The following HTR2C variants were observed in gnomAD, a reference collection of about 807,000 sequenced individuals.
HTR2C encodes 5-hydroxytryptamine receptor 2C, also known as 5-hydroxytryptamine (serotonin) receptor 2C, G protein-coupled.
In HTR2C, 5 loss-of-function variants were observed where a neutral mutation model predicts 21.0. That is an observed-to-expected ratio of 0.24 (90% CI 0.12 to 0.50). HTR2C has a LOEUF of 0.50. Among genes scored for constraint, HTR2C ranks in the 20% least tolerant of loss-of-function variants. The pLI is 0.98. For missense variants in HTR2C, 271 were observed against 371.2 expected (o/e 0.73, Z 2.22); for synonymous variants, 150 against 145.3 (o/e 1.03, Z -0.23).
intron 4 of HTR2C, among the ~76,000 whole-genome samples, chrX:114,836,750 CAT>C (rs1168483464): frequency 8.9e-6 from 1 of 112,123 alleles, no homozygotes; most frequent in Non-Finnish European, 1.9e-5. Flanking sequence ...CTTTTTAAAA[CAT>C]GTCATTTTAT....
intron 2 of HTR2C, chrX:114,651,612 A>G (rs1556408498): frequency 8.0e-6 from 1 of 125,271 alleles, no homozygotes; most frequent in Admixed American, 9.6e-5. Context: ...CAGTGTGAAC[A>G]TAATAGAGAT....
intron 4 of HTR2C, among the ~76,000 whole-genome samples, chrX:114,752,655 T>C (rs1028711038): frequency 3.3e-4 from 37 of 110,971 alleles, no homozygotes; most frequent in Admixed American, 3.3e-3. Context: ...ATTATAATGT[T>C]GCATTTAGTT....
At chrX:114,777,137 A>ATCTAT (rs1202065133) in intron 4 of HTR2C, among the ~76,000 whole-genome samples, 1 of 112,000 alleles carries the variant, frequency 8.9e-6, no homozygotes, top group African/African-American at 3.2e-5. Context: ...TAAAAAGTTG[A>ATCTAT]TCTATTTCCA....
intron 2 of HTR2C, among the ~76,000 whole-genome samples, chrX:114,628,134 A>T (rs868946785): frequency 4.8e-4 from 54 of 112,351 alleles, no homozygotes; most frequent in African/African-American, 1.6e-3. Flanking sequence ...GGAAATATTT[A>T]AGTAATGTGA....
At chrX:114,718,798 T>A (rs1468783917) in intron 2 of HTR2C, among the ~76,000 whole-genome samples, 1 of 108,363 alleles carries the variant, frequency 9.2e-6, no homozygotes, top group Non-Finnish European at 1.9e-5. Context: ...AGCTAATTGG[T>A]TTTAAGTTAA....
chrX:114,763,739 A>G lies in HTR2C; in HGVS notation c.349+32132A>G, dbSNP rs1457184486. ...TATCTGGTCTTTTTCTTTTTAATGG[A>G]TAGATGAAGGCCTCCTTCCTCTTTG... On this transcript the variant is annotated intron_variant, in intron 4 of 5. Coordinates refer to ENST00000276198, the MANE Select transcript of HTR2C (RefSeq NM_000868.4). Among the ~76,000 whole-genome samples, 9 of 109,512 alleles carry G rather than the reference A, an allele frequency of 8.2e-5. No individual in the cohort carries two copies. In the East Asian group the frequency reaches 2.6e-3, roughly 32 times the overall value.
chrX:114,730,911 C>G lies in HTR2C; in HGVS notation c.36-383C>G, dbSNP rs180846958. ...GTGGGACCTGAGTATGGACCCTGGC[C>G]CCGCCACTTACTGGCTGTTTAGGCT... On this transcript the variant is annotated intron_variant, in intron 3 of 5. Coordinates refer to ENST00000276198, the MANE Select transcript of HTR2C (RefSeq NM_000868.4). 4.5e-5 allele frequency among the ~76,000 whole-genome samples: 5 copies of G among 111,363 alleles called. No individual in the cohort carries two copies. The Admixed American group carries it at 4.8e-4, about 11-fold the overall frequency.
intron 2 of HTR2C, among the ~76,000 whole-genome samples, chrX:114,662,992 A>G (rs868916404): frequency 9.0e-6 from 1 of 111,510 alleles, no homozygotes; most frequent in African/African-American, 3.3e-5. Flanking sequence ...AAATAGGTGT[A>G]TTTAGGTGTA....
At chrX:114,782,571 A>T (rs1429976948) in intron 4 of HTR2C, among the ~76,000 whole-genome samples, 1 of 110,532 alleles carries the variant, frequency 9.0e-6, no homozygotes, top group Non-Finnish European at 1.9e-5. Context: ...TTAAAAGATT[A>T]GCTGGGCATG....
At chrX:114,889,059 G>A (rs2071241017) in intron 5 of HTR2C, among the ~76,000 whole-genome samples, 1 of 111,280 alleles carries the variant, frequency 9.0e-6, no homozygotes, top group Non-Finnish European at 1.9e-5. Context: ...ATTGCAACTT[G>A]GACAATTTAA....
intron 1 of HTR2C, among the ~76,000 whole-genome samples, chrX:114,589,446 G>A (rs1556390551): frequency 9.0e-6 from 1 of 111,226 alleles, no homozygotes; most frequent in East Asian, 2.8e-4. Flanking sequence ...TGGACCCACA[G>A]GTTTCTACTA....
At chrX:114,740,620 G>C (rs183173503) in intron 4 of HTR2C, among the ~76,000 whole-genome samples, 143 of 111,108 alleles carry the variant, frequency 1.3e-3, no homozygotes, top group African/African-American at 4.5e-3. Flanking sequence ...CACAAAATGG[G>C]ATTTATTTTT....
At chrX:114,685,298 A>G (rs782145556) in intron 2 of HTR2C, among the ~76,000 whole-genome samples, 2 of 111,901 alleles carry the variant, frequency 1.8e-5, no homozygotes, top group Non-Finnish European at 3.8e-5. Flanking sequence ...TTCCACAAGA[A>G]CAATGCTTAA....
At chrX:114,823,477 T>C (rs2070653299) in intron 4 of HTR2C, 1 of 349,102 alleles carries the variant, frequency 2.9e-6, no homozygotes, top group Non-Finnish European at 5.8e-6. Context: ...ACATCCTGCA[T>C]AGTGCTGCCA....
At chrX:114,671,333 A>C (rs1399290552) in intron 2 of HTR2C, among the ~76,000 whole-genome samples, 1 of 112,374 alleles carries the variant, frequency 8.9e-6, no homozygotes, top group Non-Finnish European at 1.9e-5. Flanking sequence ...AATTAAATAG[A>C]AATATAGTTA....
chrX:114,762,550 G>T (rs183975313), intron 4 of HTR2C, among the ~76,000 whole-genome samples: 185 of 111,653 alleles, frequency 1.7e-3, no homozygotes, highest in Non-Finnish European at 1.7e-3. Context: ...CAATTTTCTT[G>T]TGTGTATAAA....
chrX:114,592,608 A>C, intron 1 of HTR2C, among the ~76,000 whole-genome samples: 1 of 112,017 alleles, frequency 8.9e-6, no homozygotes, highest in Admixed American at 9.5e-5. Flanking sequence ...TGTCCTTCCT[A>C]CCTTGGATTC....
At chrX:114,626,478 C>T (rs782032913) in intron 2 of HTR2C, among the ~76,000 whole-genome samples, 1 of 111,589 alleles carries the variant, frequency 9.0e-6, no homozygotes, top group South Asian at 3.7e-4. Flanking sequence ...AATTATTATA[C>T]CTGTAACAAA....
At chrX:114,897,123 T>TA (rs1354830314) in intron 5 of HTR2C, among the ~76,000 whole-genome samples, 9 of 112,011 alleles carry the variant, frequency 8.0e-5, no homozygotes, top group Non-Finnish European at 1.5e-4. Context: ...TTTAGACATG[T>TA]AAGAAACTTA....
Sources: gnomAD v4.1 joint callset for allele counts (sites outside exome capture counted in the v4.1 genomes callset) on GRCh38, gnomAD v4.1.1 for gene constraint, MANE v1.5 for transcripts, NCBI Gene and HGNC (gene_info 2026-07-23, HGNC 2026-07-21) for gene names.